CDC14B: variants seen among roughly 807,000 people sequenced by gnomAD.
CDC14B encodes the protein cell division cycle 14B, also known as dual specificity protein phosphatase CDC14B.
CDC14B carries 22 observed loss-of-function variants against 64.2 expected under a neutral mutation model. The ratio of observed to expected loss-of-function variants is 0.34; its 90% CI spans 0.24 to 0.49. The LOEUF (loss-of-function observed/expected upper bound fraction) is 0.49, where lower values mean the gene tolerates loss of function less well. Among genes scored for constraint, CDC14B ranks in the 20% least tolerant of loss-of-function variants. CDC14B has a pLI of 0.99. For missense variants in CDC14B, 498 were observed against 629.9 expected (o/e 0.79, Z 2.24); for synonymous variants, 191 against 215.8 (o/e 0.89, Z 1.01).
chr9:96,591,398 C>T (rs758763811), intron 1 of CDC14B, among the ~76,000 whole-genome samples: 10 of 152,274 alleles, frequency 6.6e-5, no homozygotes, highest in Middle Eastern at 6.8e-3. Context: ...TAACCATATA[C>T]ATAAGGGTTT....
At chr9:96,543,266 G>A (rs1020019642) in intron 5 of CDC14B, among the ~76,000 whole-genome samples, 8 of 151,942 alleles carry the variant, frequency 5.3e-5, no homozygotes, top group African/African-American at 1.2e-4. Context: ...ACCCGGAGGC[G>A]GAGCTTGCAG....
At chr9:96,517,600 C>T (rs1210184168) in intron 12 of CDC14B, among the ~76,000 whole-genome samples, 6 of 129,242 alleles carry the variant, frequency 4.6e-5, no homozygotes, top group African/African-American at 9.0e-5. Flanking sequence ...GCCAAGATTG[C>T]GCCACTGCAC....
chr9:96,574,259 A>T (rs142290869), intron 1 of CDC14B, among the ~76,000 whole-genome samples: 16 of 152,304 alleles, frequency 1.1e-4, no homozygotes, highest in Admixed American at 2.6e-4. Context: ...ATAGGCAAAG[A>T]TGAGAGCCAC....
chr9:96,539,576 T>C (rs1331532576), intron 6 of CDC14B, among the ~76,000 whole-genome samples: 1 of 152,214 alleles, frequency 6.6e-6, no homozygotes, highest in African/African-American at 2.4e-5. Flanking sequence ...CATGTGCTAG[T>C]TTATCCCAAA....
intron 1 of CDC14B, among the ~76,000 whole-genome samples, chr9:96,571,920 C>T (rs774986767): frequency 6.6e-6 from 1 of 152,166 alleles, no homozygotes; most frequent in Admixed American, 6.5e-5. Flanking sequence ...AACAGACAGG[C>T]CTTGCTGGGT....
At chr9:96,593,749 C>T (rs1845910606) in intron 1 of CDC14B, among the ~76,000 whole-genome samples, 1 of 152,050 alleles carries the variant, frequency 6.6e-6, no homozygotes, top group Non-Finnish European at 1.5e-5. Context: ...GCCTCTGTTA[C>T]TAAAACAGAC....
At chr9:96,611,120 C>G (rs562341792) in intron 1 of CDC14B, among the ~76,000 whole-genome samples, 1 of 150,722 alleles carries the variant, frequency 6.6e-6, no homozygotes, top group African/African-American at 2.4e-5. Flanking sequence ...GAGAAAAGGG[C>G]GTAAAACTTT....
rs551224435 is a variant in CDC14B, at chr9:96,578,353, G to A, written c.161-12870C>T. On this transcript the variant is annotated intron_variant, in intron 1 of 13. Coordinates refer to ENST00000375241, the MANE Select transcript of CDC14B (RefSeq NM_033331.4). Reference sequence around the variant, plus strand: ...AACCCCTCCTTAGTCCCCTTTGAGTGTGGACTGGACTTAGGTGACTTGTTT... The same window carrying A: ...AACCCCTCCTTAGTCCCCTTTGAGTATGGACTGGACTTAGGTGACTTGTTT... Among the ~76,000 whole-genome samples the A allele has an allele frequency of 6.4e-4, 97 of 152,312 alleles. 1 individual carries two copies. The South Asian group carries it at 0.02, about 31-fold the overall frequency.
chr9:96,594,059 G>A (rs1845926687), intron 1 of CDC14B, among the ~76,000 whole-genome samples: 1 of 152,118 alleles, frequency 6.6e-6, no homozygotes, highest in South Asian at 2.1e-4. Context: ...CTATTCCTCT[G>A]GAAAAAGCAA....
intron 5 of CDC14B, among the ~76,000 whole-genome samples, chr9:96,551,111 C>CCTTTTTTTTTT (rs1841744448): frequency 1.1e-5 from 1 of 93,296 alleles, no homozygotes; most frequent in African/African-American, 4.9e-5. Flanking sequence ...TTGGGGTTTG[C>CCTTTTTTTTTT]TTTTTTTTTT....
Position 96,523,383 on chromosome 9 carries a change from G to A in CDC14B, c.1123C>T (p.Arg375Cys), listed in dbSNP as rs773237782. The A allele has an allele frequency of 1.9e-5, 30 of 1,614,112 alleles. No individual in the cohort carries two copies. Among genetic ancestry groups the A allele is most frequent in the Non-Finnish European group, 2.3e-5 (27 of 1,179,986 alleles). ...TNLWLEGDYF[R>C]QKLKGQENGQ... ...TTCTCCTGCCCCTTTAACTTCTGAC[G>A]AAAATAGTCCCCTTCCAGCCAGAGG... The change falls in exon 11 of 14, where the codon CGT becomes TGT. Residue 375 changes from arginine to cysteine, a missense_variant. Arg to Cys is a radical substitution (Grantham distance 180, BLOSUM62 -3). Coordinates refer to ENST00000375241, the MANE Select transcript of CDC14B (RefSeq NM_033331.4).
intron 7 of CDC14B, 69 bp from the exon 8 acceptor site, chr9:96,534,611 G>A: frequency 1.9e-6 from 2 of 1,048,160 alleles, no homozygotes; most frequent in Non-Finnish European, 2.9e-6. Flanking sequence ...ACTCAAGACT[G>A]AGTCTCTGAA....
At position 96,551,851 on chromosome 9, in the gene CDC14B, G is replaced by C. The variant is rs1841887402; in HGVS notation, c.442C>G (p.Pro148Ala). The change falls in exon 5 of 14, where the codon CCA becomes GCA. Residue 148 changes from proline to alanine, a missense_variant. Physicochemically the swap from Pro to Ala is conservative, Grantham distance 27. Transcript: ENST00000375241. ...CYMVIYLGRT[P>A]EEAYRILIFG... ...ATTAATATTCTATATGCTTCTTCTG[G>C]GGTTCTCCCCAAATATATAACCTAT... 3 of 1,607,490 alleles carry C rather than the reference G, an allele frequency of 1.9e-6. No homozygotes were observed. The highest frequency in any genetic ancestry group is 2.5e-6 in the Non-Finnish European group (3 of 1,177,246).
intron 4 of CDC14B, among the ~76,000 whole-genome samples, chr9:96,557,793 T>C (rs976882617): frequency 9.8e-5 from 15 of 152,388 alleles, no homozygotes; most frequent in African/African-American, 3.6e-4. Flanking sequence ...GGAACCTACA[T>C]GTTACAATTA....
chr9:96,493,116 T>C (rs2131173995), exon 14 of CDC14B: 1 of 152,376 alleles, frequency 6.6e-6, no homozygotes, highest in South Asian at 2.1e-4. Flanking sequence ...GAAACTGTAC[T>C]GTGCGGTGCT....
chr9:96,496,202 C>T (rs1027359252), downstream of CDC14B: 2 of 442,714 alleles, frequency 4.5e-6, no homozygotes, highest in African/African-American at 2.0e-5. Context: ...ATGAGGCAGA[C>T]GCACCTGCTG....
chr9:96,534,639 G>A (rs1839016766), intron 7 of CDC14B, 97 bp from the exon 8 acceptor site: 4 of 767,126 alleles, frequency 5.2e-6, no homozygotes, highest in South Asian at 3.6e-5. Context: ...AAACTCATTT[G>A]CTTTAGCGGA....
chr9:96,586,431 G>A (rs1243307255), intron 1 of CDC14B, among the ~76,000 whole-genome samples: 2 of 152,044 alleles, frequency 1.3e-5, no homozygotes, highest in East Asian at 1.9e-4. Flanking sequence ...TGCAAAAGAC[G>A]TTTACTTAAA....
At chr9:96,519,261 A>G (rs539673837) in intron 12 of CDC14B, among the ~76,000 whole-genome samples, 7 of 152,368 alleles carry the variant, frequency 4.6e-5, no homozygotes, top group Non-Finnish European at 8.8e-5. Flanking sequence ...CAAGTTATGC[A>G]ATCTACCAAA....
Sources: gnomAD v4.1 joint callset for allele counts (sites outside exome capture counted in the v4.1 genomes callset) on GRCh38, gnomAD v4.1.1 for gene constraint, MANE v1.5 for transcripts, NCBI Gene and HGNC (gene_info 2026-07-23, HGNC 2026-07-21) for gene names.